The following DDX43 variants were observed in gnomAD, a reference collection of about 807,000 sequenced individuals.
DDX43 encodes probable ATP-dependent RNA helicase DDX43.
DDX43 carries 50 observed loss-of-function variants against 84.9 expected under a neutral mutation model. That is an observed-to-expected ratio of 0.59 (90% CI 0.47 to 0.75). The LOEUF is 0.75. Ranked by LOEUF, DDX43 falls within the 30% of genes least tolerant of loss-of-function variation. The pLI is 0.00. For synonymous variants in DDX43, 291 were observed against 266.3 expected (o/e 1.09, Z -0.90); for missense variants, 689 against 798.6 (o/e 0.86, Z 1.65).
At chr6:73,412,094 A>G (rs1353595383) in intron 10 of DDX43, 111 bp from the exon 11 acceptor site, 1 of 843,458 alleles carries the variant, frequency 1.2e-6, no homozygotes, top group African/African-American at 1.7e-5. Flanking sequence ...ACTTATTGAA[A>G]AAATAAGTAC....
intron 1 of DDX43, among the ~76,000 whole-genome samples, chr6:73,396,743 C>T (rs1478264063): frequency 4.6e-5 from 7 of 152,176 alleles, no homozygotes; most frequent in African/African-American, 9.7e-5. Flanking sequence ...TTTCCTGCCC[C>T]ATCCCAGGGA....
intron 11 of DDX43, among the ~76,000 whole-genome samples, chr6:73,412,672 C>CGCGT (rs1769819465): frequency 2.3e-5 from 1 of 42,810 alleles, no homozygotes; most frequent in Non-Finnish European, 5.5e-5. Context: ...TGTGTGTGCG[C>CGCGT]GCGCGCGTGT....
In DDX43 at chr6:73,400,223, C is replaced by T. The variant is rs757205645; in HGVS notation, c.307-11C>T. The T allele has an allele frequency of 6.3e-7, 1 of 1,577,930 alleles. No individual in the cohort carries two copies. The highest frequency in any genetic ancestry group is 2.3e-5 in the East Asian group (1 of 43,516). On this transcript the variant is annotated splice_polypyrimidine_tract_variant and intron_variant, in intron 2 of 16. Transcript: ENST00000370336. Reference sequence around the variant, plus strand: ...ATTTTAAGTCTCACCTCTTTTTCCCCTTGTACCTAGATAATACAAGAACAA... The same window carrying T: ...ATTTTAAGTCTCACCTCTTTTTCCCTTTGTACCTAGATAATACAAGAACAA...
At chr6:73,397,305 T>A (rs1645594750) in intron 1 of DDX43, among the ~76,000 whole-genome samples, 1 of 152,238 alleles carries the variant, frequency 6.6e-6, no homozygotes, top group African/African-American at 2.4e-5. Context: ...ATTAGTGATG[T>A]TGAACATCTC....
At chr6:73,413,943 GA>G (rs757992173) in intron 12 of DDX43, 26 bp from the exon 13 acceptor site, 2 of 1,568,364 alleles carry the variant, frequency 1.3e-6, no homozygotes, top group Non-Finnish European at 1.8e-6. Flanking sequence ...AAGCACCTAA[GA>G]ATGCTGAGTT....
In DDX43 at chr6:73,394,915, C is replaced by G. The variant is rs1314037211; in HGVS notation, c.10C>G (p.His4Asp). 6.2e-7 allele frequency: 1 copy of G among 1,614,052 alleles called. No individual in the cohort carries two copies. The highest frequency in any genetic ancestry group is 1.3e-5 in the African/African-American group (1 of 74,940). Residue 4 changes from histidine (H) to aspartate (D), a missense_variant, in exon 1 of 17, where the codon CAC (histidine) becomes GAC (aspartate). Transcript: ENST00000370336. The part of the protein sequence containing the change: MSH[H>D]GGAPKASTWV... ...GCCCCTTCTTGGAACAATGTCCCAC[C>G]ACGGAGGAGCTCCCAAGGCCTCTAC... is the stretch of plus-strand genomic sequence containing the variant.
Position 73,397,676 on chromosome 6 carries a change from T to G in DDX43, c.251-13T>G, listed in dbSNP as rs753793552. ...CAACTTATAACAATATATTCCTTTA[T>G]TTTTAAAAACAGGTCGTGGTGGGTC... On this transcript the variant is annotated splice_polypyrimidine_tract_variant and intron_variant, in intron 1 of 16. Transcript: ENST00000370336. 3 of 1,601,300 alleles carry G rather than the reference T, an allele frequency of 1.9e-6. No homozygotes were observed. Among genetic ancestry groups the G allele is most frequent in the Admixed American group, 1.7e-5 (1 of 59,936 alleles).
Position 73,398,671 on chromosome 6 carries a change from A to G in DDX43, c.306+927A>G, listed in dbSNP as rs369568791. Among the ~76,000 whole-genome samples the G allele has an allele frequency of 4.6e-5, 7 of 152,240 alleles. No homozygotes were observed. In the East Asian group the frequency reaches 1.3e-3, roughly 29 times the overall value. On this transcript the variant is annotated intron_variant, in intron 2 of 16. Transcript: ENST00000370336. The stretch of plus-strand genomic sequence containing the variant: ...GATCACTGGAATATTCATCATGTCC[A>G]AAAGGTCTTCCTTCCAGAGAGAACC...
chr6:73,411,951 G>C (rs1211610571), intron 10 of DDX43, among the ~76,000 whole-genome samples: 4 of 152,292 alleles, frequency 2.6e-5, no homozygotes, highest in Non-Finnish European at 5.9e-5. Context: ...ACCCGCCTTG[G>C]CCTCCCGAAG....
At chr6:73,413,036 G>T (rs1374697995) in intron 11 of DDX43, among the ~76,000 whole-genome samples, 3 of 152,156 alleles carry the variant, frequency 2.0e-5, no homozygotes, top group Non-Finnish European at 4.4e-5. Context: ...CAAAGTCAGG[G>T]TTTATATTTT....
chr6:73,414,814 T>A (rs1769870278), intron 14 of DDX43, 128 bp downstream of exon 14: 4 of 829,332 alleles, frequency 4.8e-6, no homozygotes, highest in Non-Finnish European at 7.4e-6. Context: ...CAGATTATAC[T>A]TGCTACTTTA....
Position 73,406,379 on chromosome 6 carries a change from A to G in DDX43, c.823A>G (p.Ile275Val). ...PTPIQSQAWP[I>V]VLQGIDLIGV... ...TCCGTTTCAGTCACAGGCATGGCCC[A>G]TTGTGTTGCAAGGAATAGATCTTAT... is the stretch of plus-strand genomic sequence containing the variant. Residue 275 changes from isoleucine (I) to valine (V), a missense_variant, in exon 7 of 17, where the codon ATT becomes GTT. By Grantham distance (29) the Ile-to-Val change is conservative (BLOSUM62 3). Coordinates refer to ENST00000370336, the MANE Select transcript of DDX43 (RefSeq NM_018665.3). The G allele has an allele frequency of 6.2e-7, 1 of 1,610,404 alleles. No individual in the cohort carries two copies. Among genetic ancestry groups the G allele is most frequent in the Non-Finnish European group, 8.5e-7 (1 of 1,177,282 alleles).
chr6:73,406,335 T>A, intron 6 of DDX43, 29 bp from the exon 7 acceptor site: 1 of 1,519,810 alleles, frequency 6.6e-7, no homozygotes, highest in Non-Finnish European at 9.1e-7. Flanking sequence ...GATGTACTTT[T>A]TGTGTTAATG....
Position 73,395,009 on chromosome 6 carries a change from TGAATC to T in DDX43, c.108_112del (p.Thr38SerfsTer2), listed in dbSNP as rs1769434776. ...CCAGAGAGGAGGCCGGCGGAGGAGT[TGAATC>T]GAACAGGTCCTGAGGGATATAGTGT... On this transcript the variant is annotated frameshift_variant, in exon 1 of 17. Coordinates refer to ENST00000370336, the MANE Select transcript of DDX43 (RefSeq NM_018665.3). LOFTEE classifies it high-confidence loss of function. 1.2e-6 allele frequency: 2 copies of T among 1,614,176 alleles called. No homozygotes were observed. Among genetic ancestry groups the T allele is most frequent in the Non-Finnish European group, 1.7e-6 (2 of 1,180,022 alleles).
chr6:73,398,405 C>T (rs1409396824), intron 2 of DDX43, among the ~76,000 whole-genome samples: 1 of 151,984 alleles, frequency 6.6e-6, no homozygotes, highest in Non-Finnish European at 1.5e-5. Context: ...GCCCCCGCCA[C>T]CATATCTGGC....
chr6:73,407,441 A>G lies in DDX43; in HGVS notation c.927-64A>G, dbSNP rs1562284720. ...GCTTGTTGCTACAAATCTTGATGGTACTGAATAAATGTACCGTGCATCTGA... is the reference window on the plus strand; with the variant it reads ...GCTTGTTGCTACAAATCTTGATGGTGCTGAATAAATGTACCGTGCATCTGA... On this transcript the variant is annotated intron_variant, in intron 7 of 16. Coordinates refer to ENST00000370336, the MANE Select transcript of DDX43 (RefSeq NM_018665.3). The G allele has an allele frequency of 4.3e-5, 48 of 1,115,952 alleles. 1 individual carries two copies. In the South Asian group the frequency reaches 6.2e-4, roughly 14 times the overall value. 69.1% of individuals were successfully genotyped at this position (1,115,952 alleles called of 1,614,324 possible).
intron 5 of DDX43, among the ~76,000 whole-genome samples, chr6:73,405,284 A>G (rs187119375): frequency 2.6e-5 from 4 of 152,326 alleles, no homozygotes; most frequent in Admixed American, 2.0e-4. Context: ...AACTTACTGT[A>G]TGATCACCTG....
chr6:73,411,194 A>G (rs1400296966), intron 10 of DDX43, among the ~76,000 whole-genome samples: 1 of 149,030 alleles, frequency 6.7e-6, no homozygotes, highest in Non-Finnish European at 1.5e-5. Flanking sequence ...AAAAAAAAAA[A>G]AAAAAATTTA....
At chr6:73,414,141 G>A in intron 13 of DDX43, 62 bp downstream of exon 13, 1 of 1,005,606 alleles carries the variant, frequency 9.9e-7, no homozygotes, top group East Asian at 2.5e-5. Context: ...GGGCTTGGCT[G>A]AGTAACATCT....
Sources: allele counts gnomAD v4.1 joint callset (sites outside exome capture counted in the v4.1 genomes callset), GRCh38; gene constraint gnomAD v4.1.1; transcripts MANE v1.5; gene names NCBI Gene and HGNC (gene_info 2026-07-23, HGNC 2026-07-21).